The following CTNND2 variants were observed in gnomAD, a reference collection of about 807,000 sequenced individuals.
CTNND2 encodes catenin delta 2, also known as catenin delta-2.
Under a neutral mutation model 144.4 loss-of-function variants are expected in CTNND2, and 22 were observed. The observed-to-expected ratio is 0.15, with a 90% CI of 0.11 to 0.22. The LOEUF (loss-of-function observed/expected upper bound fraction) is 0.22, where lower values mean the gene tolerates loss of function less well. Ranked by LOEUF, CTNND2 falls within the 10% of genes least tolerant of loss-of-function variation. CTNND2 has a pLI of 1.00. For synonymous variants in CTNND2, 751 were observed against 695.6 expected, an observed-to-expected ratio of 1.08 and a Z score of -1.25; for missense variants, 1,353 against 1,618.8, an observed-to-expected ratio of 0.84 and a Z score of 2.82.
At chr5:11,706,925 A>G (rs1278875052) in intron 2 of CTNND2, among the ~76,000 whole-genome samples, 1 of 151,948 alleles carries the variant, frequency 6.6e-6, no homozygotes, top group African/African-American at 2.4e-5. Context: ...CTCTACTAAA[A>G]AATATAAAAA....
intron 2 of CTNND2, among the ~76,000 whole-genome samples, chr5:11,571,663 G>T (rs1777563759): frequency 6.6e-6 from 1 of 151,962 alleles, no homozygotes; most frequent in South Asian, 2.1e-4. Context: ...CATGCCCCAT[G>T]CACCCACACC....
At chr5:11,781,547 A>G (rs1790542730) in intron 1 of CTNND2, among the ~76,000 whole-genome samples, 1 of 152,244 alleles carries the variant, frequency 6.6e-6, no homozygotes, top group Non-Finnish European at 1.5e-5. Context: ...AATATTTGAT[A>G]AAACTGCATG....
rs557259639 is a variant in CTNND2, at chr5:11,745,508, T to C, written c.38-13236A>G. On this transcript the variant is annotated intron_variant, in intron 1 of 21. Coordinates refer to ENST00000304623, the MANE Select transcript of CTNND2 (RefSeq NM_001332.4). ...TTGGCAAAGCCATGCACACCCAAGA[T>C]TGGATGTGCAAGTAATGATTCAGAT... Among the ~76,000 whole-genome samples, 54 of 152,246 alleles carry C rather than the reference T, an allele frequency of 3.5e-4. No individual in the cohort carries two copies. In the South Asian group the frequency reaches 9.3e-3, roughly 26 times the overall value.
At chr5:11,642,065 T>C (rs1198157962) in intron 2 of CTNND2, among the ~76,000 whole-genome samples, 1 of 152,062 alleles carries the variant, frequency 6.6e-6, no homozygotes, top group African/African-American at 2.4e-5. Context: ...CAGGTAAAAA[T>C]AGCAACATTG....
intron 2 of CTNND2, among the ~76,000 whole-genome samples, chr5:11,708,740 C>G (rs190857692): frequency 2.4e-4 from 37 of 152,192 alleles, no homozygotes; most frequent in Non-Finnish European, 7.4e-5. Flanking sequence ...TTCCAGGCAA[C>G]AGGCCACATT....
chr5:11,095,214 CA>C (rs1457341544), intron 15 of CTNND2, among the ~76,000 whole-genome samples: 1 of 152,184 alleles, frequency 6.6e-6, no homozygotes, highest in East Asian at 1.9e-4. Flanking sequence ...ACGGAACCTG[CA>C]AACTTACACG....
intron 9 of CTNND2, among the ~76,000 whole-genome samples, chr5:11,251,261 C>T (rs1184819565): frequency 2.6e-5 from 4 of 152,174 alleles, no homozygotes; most frequent in Non-Finnish European, 5.9e-5. Flanking sequence ...AAATGCCTGA[C>T]AGTTCCATTT....
chr5:11,793,672 G>A (rs1294511344), intron 1 of CTNND2, among the ~76,000 whole-genome samples: 1 of 152,172 alleles, frequency 6.6e-6, no homozygotes, highest in Non-Finnish European at 1.5e-5. Flanking sequence ...CCTGCTGAGA[G>A]AGCATGGCAC....
chr5:11,410,067 T>C (rs1761391502), intron 5 of CTNND2, among the ~76,000 whole-genome samples: 3 of 152,104 alleles, frequency 2.0e-5, no homozygotes, highest in African/African-American at 7.2e-5. Flanking sequence ...CAAGGCAAAC[T>C]ATTCTGTTGC....
At chr5:11,537,793 A>G (rs1263434408) in intron 3 of CTNND2, among the ~76,000 whole-genome samples, 1 of 152,210 alleles carries the variant, frequency 6.6e-6, no homozygotes, top group Non-Finnish European at 1.5e-5. Context: ...TCTTAGCATC[A>G]CATATAAAAA....
At chr5:11,411,812 A>T (rs539802846) in intron 4 of CTNND2, among the ~76,000 whole-genome samples, 160 bp from the exon 5 acceptor site, 32 of 152,344 alleles carry the variant, frequency 2.1e-4, no homozygotes, top group Middle Eastern at 3.4e-3. Flanking sequence ...CCAACATTAA[A>T]GCCAAGGTCA....
chr5:11,879,758 T>C (rs572015785), intron 1 of CTNND2, among the ~76,000 whole-genome samples: 9 of 152,272 alleles, frequency 5.9e-5, no homozygotes, highest in Non-Finnish European at 1.2e-4. Context: ...ATTCTCAAAG[T>C]ACACAAATTC....
chr5:11,295,923 G>A (rs1181021363), intron 9 of CTNND2, among the ~76,000 whole-genome samples: 1 of 152,096 alleles, frequency 6.6e-6, no homozygotes, highest in Non-Finnish European at 1.5e-5. Flanking sequence ...ATAGGCATGG[G>A]CAAGGACTTC....
chr5:11,278,321 T>C (rs1364379807), intron 9 of CTNND2, among the ~76,000 whole-genome samples: 1 of 152,246 alleles, frequency 6.6e-6, no homozygotes, highest in Non-Finnish European at 1.5e-5. Context: ...TTACAGGTCC[T>C]ATTTCCTTGT....
At chr5:11,271,589 ACAGTAATCT>A (rs1361724837) in intron 9 of CTNND2, among the ~76,000 whole-genome samples, 2 of 152,174 alleles carry the variant, frequency 1.3e-5, no homozygotes, top group Non-Finnish European at 2.9e-5. Flanking sequence ...TGCCACCTGG[ACAGTAATCT>A]CAATTGTCAG....
At position 11,901,872 on chromosome 5, in the gene CTNND2, A is replaced by AC. The variant is rs545415207; in HGVS notation, c.37+1944_37+1945insG. On this transcript the variant is annotated intron_variant, in intron 1 of 21. Transcript: ENST00000304623. ...TTAAGAATGAAACACTAGGCTCAAA[A>AC]GGAAAAAAGAAAAGGAAACGAGACA... is the stretch of plus-strand genomic sequence containing the variant. 1.1e-4 allele frequency among the ~76,000 whole-genome samples: 16 copies of AC among 152,320 alleles called. No homozygotes were observed. The East Asian group carries it at 2.1e-3, about 20-fold the overall frequency.
chr5:11,164,057 G>A (rs1759053798), intron 11 of CTNND2, among the ~76,000 whole-genome samples: 1 of 152,088 alleles, frequency 6.6e-6, no homozygotes, highest in Non-Finnish European at 1.5e-5. Context: ...CCTGGGGGCT[G>A]CCTGCATCGC....
At chr5:11,404,663 G>A (rs745777743) in intron 5 of CTNND2, among the ~76,000 whole-genome samples, 2 of 125,912 alleles carry the variant, frequency 1.6e-5, no homozygotes, top group Non-Finnish European at 3.2e-5. Context: ...TATTGCCAGA[G>A]CTGGAGTGGA....
At chr5:11,720,151 C>G (rs149083719) in intron 2 of CTNND2, among the ~76,000 whole-genome samples, 1 of 152,086 alleles carries the variant, frequency 6.6e-6, no homozygotes, top group African/African-American at 2.4e-5. Context: ...AGCAACTGGC[C>G]GTACTTGAGA....
Sources: allele counts gnomAD v4.1 joint callset (sites outside exome capture counted in the v4.1 genomes callset), GRCh38; gene constraint gnomAD v4.1.1; transcripts MANE v1.5; gene names NCBI Gene and HGNC (gene_info 2026-07-23, HGNC 2026-07-21).